ZDHHC4: variants seen among roughly 807,000 people sequenced by gnomAD.
The protein encoded by ZDHHC4 is palmitoyltransferase ZDHHC4.
ZDHHC4 carries 42 observed loss-of-function variants against 36.7 expected under a neutral mutation model. The ratio of observed to expected loss-of-function variants is 1.14; its 90% CI spans 0.89 to 1.48. The LOEUF is 1.48. Among genes scored for constraint, ZDHHC4 ranks in the 40% most tolerant of loss-of-function variants. The pLI is 0.00. For synonymous variants in ZDHHC4, 189 were observed against 166.6 expected, an observed-to-expected ratio of 1.13 and a Z score of -1.03; for missense variants, 457 against 421.5, an observed-to-expected ratio of 1.08 and a Z score of -0.74.
rs1780894814 is a variant in ZDHHC4, at chr7:6,582,112, G to C, written c.231G>C (p.Gly77=). The C allele has an allele frequency of 1.2e-6, 2 of 1,613,954 alleles. No homozygotes were observed. The highest frequency in any genetic ancestry group is 3.3e-4 in the Middle Eastern group (2 of 6,062). The change falls in exon 5 of 8, where the codon GGG becomes GGC. Residue 77 remains glycine, a synonymous_variant. Coordinates refer to ENST00000335965, the MANE Select transcript of ZDHHC4 (RefSeq NM_001134389.2). ...TTGTCCTGCACCTGGTCTTGCAAGG[G>C]ATGGTTTATACTGAGTACACCTGGG... ...TFIVLHLVLQ[G]MVYTEYTWEV... is the part of the protein sequence containing the mutation.
chr7:6,584,862 C>T, intron 6 of ZDHHC4, 154 bp from the exon 7 acceptor site: 1 of 1,115,270 alleles, frequency 9.0e-7, no homozygotes, highest in African/African-American at 1.6e-5. Context: ...CTGTACTGGA[C>T]ACCACAGTTC....
rs1368678714 is a variant in ZDHHC4 at position 6,587,891 on chromosome 7, A to C, written c.742-726A>C. Among the ~76,000 whole-genome samples, 4 of 152,120 alleles carry C rather than the reference A, an allele frequency of 2.6e-5. No homozygotes were observed. In the East Asian group the frequency reaches 7.7e-4, roughly 29 times the overall value. On this transcript the variant is annotated intron_variant, in intron 7 of 7. Coordinates refer to ENST00000335965, the MANE Select transcript of ZDHHC4 (RefSeq NM_001134389.2). ...TATTTATTTATTTATTTTTAGATGG[A>C]GTCTTGCTCTGTCGCCTAGGCTGGA...
intron 1 of ZDHHC4, among the ~76,000 whole-genome samples, chr7:6,578,150 T>TG (rs1780571008): frequency 6.6e-6 from 1 of 151,590 alleles, no homozygotes; most frequent in East Asian, 1.9e-4. Context: ...TTTTTAGAGA[T>TG]GGGGTCCAGC....
Position 6,588,732 on chromosome 7 carries a change from C to T in ZDHHC4, c.857C>T (p.Thr286Ile), listed in dbSNP as rs763967737. Residue 286 changes from threonine to isoleucine, a missense_variant, in exon 8 of 8, where the codon ACT becomes ATT. Transcript: ENST00000335965. ...FVLYLAATNQ[T>I]TNEWYRGDWA... is the part of the protein sequence containing the mutation. ...CTGTATCTGGCGGCCACCAACCAGA[C>T]TACTAACGAGTGGTACAGAGGTGAC... 3.1e-6 allele frequency: 5 copies of T among 1,614,240 alleles called. No homozygotes were observed. In the East Asian group the frequency reaches 8.9e-5, roughly 29 times the overall value.
At chr7:6,580,702 C>G (rs1780784290) in intron 3 of ZDHHC4, 24 bp downstream of exon 3, 2 of 1,602,402 alleles carry the variant, frequency 1.2e-6, no homozygotes, top group African/African-American at 2.7e-5. Flanking sequence ...TTGGATGGCA[C>G]TGGAATTTGA....
chr7:6,588,562 T>G, intron 7 of ZDHHC4, 55 bp from the exon 8 acceptor site: 4 of 1,578,944 alleles, frequency 2.5e-6, no homozygotes, highest in Non-Finnish European at 3.5e-6. Context: ...CAGTGTTCAC[T>G]CTCATGGATG....
chr7:6,585,629 A>G (rs1781188975), intron 7 of ZDHHC4, among the ~76,000 whole-genome samples: 1 of 152,046 alleles, frequency 6.6e-6, no homozygotes, highest in Non-Finnish European at 1.5e-5. Context: ...ACATGGTGAA[A>G]CCCCATCTCT....
In ZDHHC4 at chr7:6,580,577, C is replaced by A. The variant is rs760828690; in HGVS notation, c.16C>A (p.Leu6Ile). The change falls in exon 3 of 8, where the codon CTC (leucine) becomes ATC (isoleucine). Residue 6 changes from leucine to isoleucine, a missense_variant. Transcript: ENST00000335965. Reference protein sequence around the residue: MDFLVLFLFYLASVLM... With the variant: MDFLVIFLFYLASVLM... ...TAGCTGCAGGATGGACTTTCTGGTC[C>A]TCTTCTTGTTCTACCTGGCTTCGGT... is the stretch of plus-strand genomic sequence containing the variant. 1 of 1,614,160 alleles carries A rather than the reference C, an allele frequency of 6.2e-7. No homozygotes were observed. The highest frequency in any genetic ancestry group is 1.1e-5 in the South Asian group (1 of 91,086).
At chr7:6,582,839 A>G (rs537051948) in intron 5 of ZDHHC4, among the ~76,000 whole-genome samples, 1 of 152,258 alleles carries the variant, frequency 6.6e-6, no homozygotes, top group African/African-American at 2.4e-5. Context: ...AAATGAGTGA[A>G]TTAGGTTTGT....
intron 2 of ZDHHC4, among the ~76,000 whole-genome samples, chr7:6,579,156 TC>T (rs1314975252): frequency 6.6e-6 from 1 of 151,066 alleles, no homozygotes; most frequent in Non-Finnish European, 1.5e-5. Context: ...TCTTTTTTTT[TC>T]TTAAACCGCT....
chr7:6,585,348 G>A, intron 7 of ZDHHC4, 88 bp downstream of exon 7: 1 of 1,531,926 alleles, frequency 6.5e-7, no homozygotes, highest in Non-Finnish European at 8.8e-7. Context: ...GTTAGGTGGG[G>A]TGTGGTGGCT....
chr7:6,585,464 T>C (rs1781177507), intron 7 of ZDHHC4, among the ~76,000 whole-genome samples: 1 of 150,742 alleles, frequency 6.6e-6, no homozygotes, highest in Admixed American at 6.6e-5. Flanking sequence ...CAACTGATGA[T>C]TGAATAACTG....
At chr7:6,583,563 G>A in intron 6 of ZDHHC4, 132 bp downstream of exon 6, 2 of 1,236,738 alleles carry the variant, frequency 1.6e-6, no homozygotes, top group Non-Finnish European at 2.2e-6. Flanking sequence ...ACTACTTGTA[G>A]AGTTGAGATA....
At chr7:6,583,168 AGACT>A (rs754180790) in intron 5 of ZDHHC4, 134 bp from the exon 6 acceptor site, 4 of 978,432 alleles carry the variant, frequency 4.1e-6, no homozygotes, top group Non-Finnish European at 6.0e-6. Flanking sequence ...TGACAAAGTA[AGACT>A]GTCTCAAAAA....
chr7:6,577,896 G>C (rs993647626), intron 1 of ZDHHC4, among the ~76,000 whole-genome samples: 1 of 152,130 alleles, frequency 6.6e-6, no homozygotes, highest in African/African-American at 2.4e-5. Context: ...GCAGTGGCGC[G>C]ATCTCGGCTT....
intron 1 of ZDHHC4, among the ~76,000 whole-genome samples, chr7:6,578,295 T>C (rs925602074): frequency 3.3e-5 from 5 of 151,960 alleles, no homozygotes; most frequent in African/African-American, 1.2e-4. Flanking sequence ...GCCCCACTGA[T>C]TTTTAAATTT....
At position 6,580,696 on chromosome 7, in the gene ZDHHC4, A is replaced by G; in HGVS notation, c.117+18A>G. ...GAGCACAGGTAAGGATGATCCTTGGATGGCACTGGAATTTGAATACTGTGT... is the reference window on the plus strand; with the variant it reads ...GAGCACAGGTAAGGATGATCCTTGGGTGGCACTGGAATTTGAATACTGTGT... On this transcript the variant is annotated intron_variant, in intron 3 of 7. Coordinates refer to ENST00000335965, the MANE Select transcript of ZDHHC4 (RefSeq NM_001134389.2). 6.2e-7 allele frequency: 1 copy of G among 1,605,824 alleles called. No individual in the cohort carries two copies. Among genetic ancestry groups the G allele is most frequent in the Non-Finnish European group, 8.5e-7 (1 of 1,172,546 alleles).
intron 3 of ZDHHC4, chr7:6,581,180 T>C (rs953981824): frequency 4.2e-6 from 1 of 238,018 alleles, no homozygotes; most frequent in Non-Finnish European, 8.2e-6. Context: ...CTGGCCCCCC[T>C]CCTTCAGGGA....
intron 2 of ZDHHC4, among the ~76,000 whole-genome samples, chr7:6,579,868 G>T (rs1201412880): frequency 6.6e-6 from 1 of 152,100 alleles, no homozygotes; most frequent in East Asian, 1.9e-4. Flanking sequence ...AGGTGCAGTG[G>T]CTCACGCCTG....
Sources: gnomAD v4.1 joint callset for allele counts (sites outside exome capture counted in the v4.1 genomes callset) on GRCh38, gnomAD v4.1.1 for gene constraint, MANE v1.5 for transcripts, NCBI Gene and HGNC (gene_info 2026-07-23, HGNC 2026-07-21) for gene names.